NCAM2: variants seen among roughly 807,000 people sequenced by gnomAD.
NCAM2 encodes the protein N-CAM-2.
A neutral mutation model predicts 98.1 loss-of-function variants in NCAM2; 30 were observed. The ratio of observed to expected loss-of-function variants is 0.31; its 90% CI spans 0.23 to 0.41. The LOEUF is 0.41. Ranked by LOEUF, NCAM2 falls within the 10% of genes least tolerant of loss-of-function variation. The pLI is 1.00. For missense variants in NCAM2, 867 were observed against 1,005.8 expected (o/e 0.86, Z 1.87); for synonymous variants, 368 against 342.4 (o/e 1.07, Z -0.83).
intron 8 of NCAM2, among the ~76,000 whole-genome samples, chr21:21,368,945 T>A (rs2075850292): frequency 6.6e-6 from 1 of 151,888 alleles, no homozygotes; most frequent in Non-Finnish European, 1.5e-5. Flanking sequence ...AACCTTCAAC[T>A]GATATTTACC....
chr21:21,505,232 AG>A (rs1987909105), intron 15 of NCAM2, among the ~76,000 whole-genome samples: 1 of 152,044 alleles, frequency 6.6e-6, no homozygotes, highest in African/African-American at 2.4e-5. Context: ...TGGTTAAAAA[AG>A]AGTAGGATCT....
chr21:21,509,332 T>C (rs569385832), intron 16 of NCAM2, among the ~76,000 whole-genome samples: 4 of 152,242 alleles, frequency 2.6e-5, no homozygotes, highest in Admixed American at 2.0e-4. Flanking sequence ...GATAAACATA[T>C]AGATGGATGG....
chr21:21,136,047 G>T (rs1349199470), intron 1 of NCAM2, among the ~76,000 whole-genome samples: 1 of 151,606 alleles, frequency 6.6e-6, no homozygotes, highest in Non-Finnish European at 1.5e-5. Context: ...TGACTTACAA[G>T]AATTGTTTAT....
chr21:21,116,709 G>T (rs937325221), intron 1 of NCAM2, among the ~76,000 whole-genome samples: 15 of 152,106 alleles, frequency 9.9e-5, no homozygotes, highest in Admixed American at 4.6e-4. Flanking sequence ...AAAAAAAATA[G>T]CTGGGTGCGG....
chr21:21,509,096 G>A (rs1569128578), intron 16 of NCAM2, 41 bp downstream of exon 16: 3 of 1,602,458 alleles, frequency 1.9e-6, no homozygotes, highest in Non-Finnish European at 2.6e-6. Flanking sequence ...TTAAACAAGC[G>A]CCACAGTCAA....
intron 8 of NCAM2, among the ~76,000 whole-genome samples, chr21:21,363,987 GTGTT>G (rs1188608151): frequency 1.3e-5 from 2 of 151,974 alleles, no homozygotes. Flanking sequence ...TGTATATAGA[GTGTT>G]TGTATAAATT....
chr21:21,120,837 G>T (rs1253915050), intron 1 of NCAM2, among the ~76,000 whole-genome samples: 6 of 151,066 alleles, frequency 4.0e-5, no homozygotes, highest in Non-Finnish European at 5.9e-5. Flanking sequence ...TCCTGCCTCA[G>T]CCTCCCGAGT....
chr21:21,028,928 A>T (rs1488892327), intron 1 of NCAM2, among the ~76,000 whole-genome samples: 7 of 152,174 alleles, frequency 4.6e-5, no homozygotes, highest in Non-Finnish European at 1.5e-5. Flanking sequence ...TCCTTTTTTC[A>T]TAAGTCTGAG....
chr21:21,260,445 A>G (rs1346318110), intron 1 of NCAM2, among the ~76,000 whole-genome samples: 1 of 152,178 alleles, frequency 6.6e-6, no homozygotes, highest in East Asian at 1.9e-4. Flanking sequence ...ATCTTAAGGC[A>G]GCTAAGGAAA....
At chr21:21,341,708 C>CTTTTTTTTT (rs5842918) in intron 8 of NCAM2, among the ~76,000 whole-genome samples, 1 of 142,740 alleles carries the variant, frequency 7.0e-6, no homozygotes, top group Non-Finnish European at 1.5e-5. Context: ...TAACAATATT[C>CTTTTTTTTT]TTTTTTTTTT....
intron 1 of NCAM2, among the ~76,000 whole-genome samples, chr21:21,148,868 A>G (rs921264811): frequency 6.6e-6 from 1 of 152,160 alleles, no homozygotes; most frequent in African/African-American, 2.4e-5. Flanking sequence ...CTAAAGTTGT[A>G]TATCTCATAC....
intron 1 of NCAM2, among the ~76,000 whole-genome samples, chr21:21,101,111 G>A (rs1207242654): frequency 6.6e-6 from 1 of 151,908 alleles, no homozygotes; most frequent in Non-Finnish European, 1.5e-5. Context: ...TTCATGGGAG[G>A]CTATTATATT....
intron 1 of NCAM2, among the ~76,000 whole-genome samples, chr21:21,149,297 G>A (rs1260195641): frequency 1.3e-5 from 2 of 152,194 alleles, no homozygotes; most frequent in Non-Finnish European, 1.5e-5. Context: ...AGGTCAACTT[G>A]GAGATAATTG....
At chr21:21,514,306 TC>T (rs1941204220) in intron 16 of NCAM2, among the ~76,000 whole-genome samples, 1 of 151,476 alleles carries the variant, frequency 6.6e-6, no homozygotes, top group Admixed American at 6.6e-5. Flanking sequence ...CGAAACCCCA[TC>T]TTTACTAAAA....
chr21:21,417,046 T>G (rs2077009160), intron 10 of NCAM2, among the ~76,000 whole-genome samples: 1 of 152,104 alleles, frequency 6.6e-6, no homozygotes, highest in Non-Finnish European at 1.5e-5. Context: ...GAATTGAGCT[T>G]TTAAGAAATT....
intron 9 of NCAM2, among the ~76,000 whole-genome samples, chr21:21,396,832 C>G (rs1348881369): frequency 6.6e-6 from 1 of 152,198 alleles, no homozygotes; most frequent in Non-Finnish European, 1.5e-5. Context: ...CGCCACAGCC[C>G]TGGCATGGGG....
At chr21:21,485,683 ACTT>A (rs1986288041) in intron 15 of NCAM2, among the ~76,000 whole-genome samples, 1 of 152,184 alleles carries the variant, frequency 6.6e-6, no homozygotes, top group East Asian at 1.9e-4. Flanking sequence ...GACTTTTACT[ACTT>A]ATTTATTTAG....
intron 12 of NCAM2, among the ~76,000 whole-genome samples, chr21:21,450,605 T>C (rs935298721): frequency 1.1e-4 from 17 of 152,054 alleles, no homozygotes; most frequent in African/African-American, 3.9e-4. Context: ...ACCGGGATTA[T>C]AGGCATGAGC....
At chr21:21,491,540 A>T (rs1310820315) in intron 15 of NCAM2, among the ~76,000 whole-genome samples, 2 of 151,794 alleles carry the variant, frequency 1.3e-5, no homozygotes, top group Non-Finnish European at 3.0e-5. Flanking sequence ...AGTAATATAA[A>T]AATTATTTAA....
Sources: gnomAD v4.1 joint callset for allele counts (sites outside exome capture counted in the v4.1 genomes callset) on GRCh38, gnomAD v4.1.1 for gene constraint, MANE v1.5 for transcripts, NCBI Gene and HGNC (gene_info 2026-07-23, HGNC 2026-07-21) for gene names.